EPB41L1: variants seen among roughly 807,000 people sequenced by gnomAD.
EPB41L1 encodes the protein erythrocyte membrane protein band 4.1 like 1, also known as band 4.1-like protein 1.
Under a neutral mutation model 97.8 loss-of-function variants are expected in EPB41L1, and 29 were observed. The ratio of observed to expected loss-of-function variants is 0.30; its 90% CI spans 0.22 to 0.40. The LOEUF (loss-of-function observed/expected upper bound fraction) is 0.40. Ranked by LOEUF, EPB41L1 falls within the 10% of genes least tolerant of loss-of-function variation. EPB41L1 has a pLI of 1.00. For missense variants in EPB41L1, 812 were observed against 1,162.3 expected (o/e 0.70, Z 4.38); for synonymous variants, 383 against 459.2 (o/e 0.83, Z 2.12).
intron 2 of EPB41L1, among the ~76,000 whole-genome samples, chr20:36,140,089 C>T (rs754187325): frequency 4.0e-5 from 6 of 149,902 alleles, no homozygotes; most frequent in South Asian, 2.1e-4. Flanking sequence ...GAGTCTCGCT[C>T]TGTCACCCAG....
intron 7 of EPB41L1, among the ~76,000 whole-genome samples, chr20:36,186,807 A>T (rs1450857791): frequency 6.6e-6 from 1 of 152,200 alleles, no homozygotes; most frequent in African/African-American, 2.4e-5. Context: ...GCACACTGAC[A>T]TCTCGTGTCC....
At chr20:36,218,843 G>A (rs780514141) in intron 17 of EPB41L1, 33 bp from the exon 18 acceptor site, 40 of 1,609,954 alleles carry the variant, frequency 2.5e-5, no homozygotes, top group Non-Finnish European at 3.2e-5. Context: ...ACCCGGCTGA[G>A]AGCTGGCCAT....
Position 36,174,473 on chromosome 20 carries a change from A to T in EPB41L1, c.177+519A>T, listed in dbSNP as rs200539486. ...TTTTTAGTAAAGACAGAGTCTCACC[A>T]TATTGGCCAGGCTGGTCTCAAACTC... On this transcript the variant is annotated intron_variant, in intron 2 of 21. Coordinates refer to ENST00000338074, the MANE Select transcript of EPB41L1 (RefSeq NM_012156.2). 1.4e-4 allele frequency among the ~76,000 whole-genome samples: 22 copies of T among 152,024 alleles called. No homozygotes were observed. In the East Asian group the frequency reaches 2.7e-3, roughly 19 times the overall value.
intron 12 of EPB41L1, among the ~76,000 whole-genome samples, chr20:36,194,562 C>T (rs988763871): frequency 6.6e-6 from 1 of 152,188 alleles, no homozygotes; most frequent in Non-Finnish European, 1.5e-5. Context: ...AGTGGGCATG[C>T]TGCCTGTCCT....
At chr20:36,185,673 G>A (rs1246469536) in intron 7 of EPB41L1, among the ~76,000 whole-genome samples, 5 of 152,176 alleles carry the variant, frequency 3.3e-5, no homozygotes, top group Non-Finnish European at 7.3e-5. Context: ...CTAGATCTTG[G>A]TGTAGAGTTC....
intron 17 of EPB41L1, among the ~76,000 whole-genome samples, chr20:36,216,278 G>A (rs1207866413): frequency 6.6e-6 from 1 of 152,162 alleles, no homozygotes; most frequent in Admixed American, 6.5e-5. Flanking sequence ...TGGTCCTGGG[G>A]GAAGGCATTC....
intron 14 of EPB41L1, among the ~76,000 whole-genome samples, chr20:36,198,937 T>A (rs910143081): frequency 7.9e-5 from 12 of 152,278 alleles, no homozygotes; most frequent in African/African-American, 2.9e-4. Flanking sequence ...TTCATGGGGA[T>A]GTTGTAAGGA....
chr20:36,123,004 A>G (rs1012227944), intron 2 of EPB41L1, among the ~76,000 whole-genome samples: 1 of 151,994 alleles, frequency 6.6e-6, no homozygotes, highest in Non-Finnish European at 1.5e-5. Flanking sequence ...GCAAGCATCC[A>G]GTCTCCATGG....
At chr20:36,153,168 C>T, upstream of EPB41L1, 1 of 449,526 alleles carries the variant, frequency 2.2e-6, no homozygotes, top group Non-Finnish European at 4.5e-6. Flanking sequence ...CTTGAGTTCT[C>T]TAAAGGGTGC....
At chr20:36,173,082 G>A (rs1216187979) in intron 1 of EPB41L1, among the ~76,000 whole-genome samples, 2 of 152,192 alleles carry the variant, frequency 1.3e-5, no homozygotes, top group Non-Finnish European at 2.9e-5. Context: ...ATTTCTCTAC[G>A]TTGCTCATGT....
chr20:36,113,072 T>G (rs2058461022), intron 2 of EPB41L1, among the ~76,000 whole-genome samples: 1 of 151,922 alleles, frequency 6.6e-6, no homozygotes, highest in South Asian at 2.1e-4. Flanking sequence ...TGGGTTGGAG[T>G]TGGCGTGGGG....
At chr20:36,142,148 G>A (rs1470128343) in intron 2 of EPB41L1, among the ~76,000 whole-genome samples, 3 of 150,992 alleles carry the variant, frequency 2.0e-5, no homozygotes, top group Non-Finnish European at 4.4e-5. Flanking sequence ...AACAAAAAAC[G>A]TATTTTGTAG....
rs2145486791 is a variant in EPB41L1, at chr20:36,154,912, A to G, written c.-15+16A>G. 9.1e-7 allele frequency: 1 copy of G among 1,095,624 alleles called. No individual in the cohort carries two copies. The highest frequency in any genetic ancestry group is 1.1e-6 in the Non-Finnish European group (1 of 892,526). 67.9% of individuals were successfully genotyped at this position (1,095,624 alleles called of 1,614,324 possible). On this transcript the variant is annotated intron_variant, in intron 1 of 21. Transcript: ENST00000338074. This position sits in a 1 kb window ranked among gnomAD's most constrained non-coding sequence, Gnocchi z 5.5. The stretch of plus-strand genomic sequence containing the variant: ...CCGGGCCCAGGTAGGCACATGGGGG[A>G]ATCAGGTGGCTCTCGGGGCCGGGGG...
At chr20:36,173,628 C>T in intron 1 of EPB41L1, 136 bp from the exon 2 acceptor site, 1 of 799,186 alleles carries the variant, frequency 1.3e-6, no homozygotes, top group Non-Finnish European at 2.2e-6. Context: ...CTGTCTCTCC[C>T]TTCCTCCTCC....
At chr20:36,096,704 T>G (rs1028416734) in intron 1 of EPB41L1, among the ~76,000 whole-genome samples, 1 of 152,242 alleles carries the variant, frequency 6.6e-6, no homozygotes, top group Non-Finnish European at 1.5e-5. Context: ...TCACAGGGCT[T>G]GTGAGAATTT....
rs747140452 is a variant in EPB41L1 at position 36,195,350 on chromosome 20, A to C, written c.1471A>C (p.Arg491=). Residue 491 remains arginine (R), a synonymous_variant, in exon 13 of 22, where the codon AGA becomes CGA. Coordinates refer to ENST00000338074, the MANE Select transcript of EPB41L1 (RefSeq NM_012156.2). This position sits in a 1 kb window ranked among gnomAD's most constrained non-coding sequence, Gnocchi z 4.6. The part of the protein sequence containing the change: ...ELKPEQETTP[R]HKQEFLDKPE... ...CTAGCCGGAGCAGGAAACCACGCCG[A>C]GACACAAGCAGGAGGTACTGCATGG... is the stretch of plus-strand genomic sequence containing the variant. The C allele has an allele frequency of 3.7e-6, 6 of 1,613,798 alleles. No homozygotes were observed. Among genetic ancestry groups the C allele is most frequent in the Non-Finnish European group, 4.2e-6 (5 of 1,179,982 alleles).
intron 2 of EPB41L1, among the ~76,000 whole-genome samples, chr20:36,125,123 C>T (rs2058909702): frequency 6.6e-6 from 1 of 152,044 alleles, no homozygotes; most frequent in South Asian, 2.1e-4. Flanking sequence ...AGGGGCTGTG[C>T]TGTATGGTGG....
At chr20:36,100,863 C>T (rs550826281) in intron 1 of EPB41L1, among the ~76,000 whole-genome samples, 193 of 152,260 alleles carry the variant, frequency 1.3e-3, no homozygotes, top group African/African-American at 4.2e-3. Flanking sequence ...GCAGCACCTC[C>T]GGGACTGGCC....
intron 1 of EPB41L1, among the ~76,000 whole-genome samples, chr20:36,169,121 G>A (rs1010141837): frequency 4.0e-5 from 6 of 151,654 alleles, no homozygotes; most frequent in Admixed American, 6.6e-5. Flanking sequence ...AGTTACTCGG[G>A]AGGCTGAGGT....
Sources: allele counts gnomAD v4.1 joint callset (sites outside exome capture counted in the v4.1 genomes callset), GRCh38; gene constraint gnomAD v4.1.1; non-coding constraint Gnocchi (gnomAD v3.1); transcripts MANE v1.5; gene names NCBI Gene and HGNC (gene_info 2026-07-23, HGNC 2026-07-21).